LRRN2: variants seen among roughly 807,000 people sequenced by gnomAD.
LRRN2 encodes the protein leucine rich repeat neuronal 2, also known as leucine-rich repeat neuronal protein 2.
Under a neutral mutation model 35.7 loss-of-function variants are expected in LRRN2, and 10 were observed. The ratio of observed to expected loss-of-function variants is 0.28; its 90% confidence interval spans 0.17 to 0.47. LRRN2 has a LOEUF of 0.47. LRRN2 is among the 20% of genes least tolerant of loss of function. The pLI, the probability that LRRN2 is intolerant of heterozygous loss-of-function variation, is 0.99. For missense variants in LRRN2, 731 were observed against 940.3 expected (o/e 0.78, Z 2.91); for synonymous variants, 391 against 409.6 (o/e 0.95, Z 0.55).
chr1:204,655,484 A>G (rs1448882030), intron 1 of LRRN2, among the ~76,000 whole-genome samples: 1 of 151,742 alleles, frequency 6.6e-6, no homozygotes, highest in African/African-American at 2.4e-5. Flanking sequence ...TTTCTTAGAG[A>G]AGGGGTCTTA....
rs746730207 is a variant in LRRN2 at position 204,618,446 on chromosome 1, C to T, written c.1547G>A (p.Arg516His). 2.4e-5 allele frequency: 39 copies of T among 1,614,046 alleles called. No homozygotes were observed. The highest frequency in any genetic ancestry group is 1.6e-4 in the Middle Eastern group (1 of 6,082). ...DTKTVSVVVG[R>H]ALLQPGRDEG... is the part of the protein sequence containing the mutation. ...GTCCCTGCCTGGCTGGAGGAGAGCA[C>T]GGCCCACAACCACACTAACCGTCTT... Residue 516 changes from arginine (R) to histidine (H), a missense_variant, in exon 2 of 2, where the codon CGT becomes CAT. By Grantham distance (29) the Arg-to-His change is conservative. Transcript: ENST00000367177.
intron 1 of LRRN2, among the ~76,000 whole-genome samples, chr1:204,645,891 C>A (rs1268919568): frequency 6.6e-6 from 1 of 152,138 alleles, no homozygotes; most frequent in African/African-American, 2.4e-5. Context: ...CAATTACCAC[C>A]ACTTGGTCCC....
Position 204,638,645 on chromosome 1 carries a change from C to T in LRRN2, c.-226-18427G>A, listed in dbSNP as rs367583059. 2.2e-4 allele frequency among the ~76,000 whole-genome samples: 33 copies of T among 152,104 alleles called. 1 individual carries two copies. In the East Asian group the frequency reaches 5.2e-3, roughly 24 times the overall value. On this transcript the variant is annotated intron_variant, in intron 1 of 1. Coordinates refer to ENST00000367177, the MANE Select transcript of LRRN2 (RefSeq NM_201630.2). ...CAGGCTGGTCTTGAACTCCTGACCT[C>T]GTGATCCACCCACCTCGGCCTCCCA...
rs1166947715 is a variant in LRRN2, at chr1:204,685,504, G to A, written c.-411C>T. 6.6e-6 allele frequency: 1 copy of A among 151,792 alleles called. No individual in the cohort carries two copies. The highest frequency in any genetic ancestry group is 1.5e-5 in the Non-Finnish European group (1 of 67,914). The allele number at this position is 151,792 out of a possible 1,614,324, so 9.4% of individuals were successfully genotyped here. On this transcript the variant is annotated 5_prime_UTR_variant, in exon 1 of 2. Transcript: ENST00000367177. ...GAGTTATCCTGGGAGCGGCTCCAGG[G>A]CCCAGCCGGTGAGGGCGATGGCAGA... is the stretch of plus-strand genomic sequence containing the variant.
At chr1:204,621,258 C>T (rs1448838031) in intron 1 of LRRN2, 12 of 167,448 alleles carry the variant, frequency 7.2e-5, no homozygotes, top group Non-Finnish European at 1.5e-5. Flanking sequence ...CCTGGCTTCT[C>T]TTGTCACCAC....
chr1:204,628,511 G>T (rs74889837), intron 1 of LRRN2: 3,650 of 152,338 alleles, frequency 0.024, 162 homozygotes, highest in African/African-American at 0.082. Flanking sequence ...TCATTAGAGT[G>T]TCCTGCCCTT....
At position 204,617,888 on chromosome 1, in the gene LRRN2, C is replaced by T. The variant is rs1030475520; in HGVS notation, c.2105G>A (p.Gly702Glu). ...AGACAATGGTGGCAACAGTGTCTCC[C>T]CTTCTGAGGATCTGGGCAGCTTCCT... Reference protein sequence around the residue: ...PGRKLPRSSEGETLLPPLSQN... With the variant: ...PGRKLPRSSEEETLLPPLSQN... The change falls in exon 2 of 2, where the codon GGG (glycine) becomes GAG (glutamate). Residue 702 changes from glycine to glutamate, a missense_variant. Physicochemically the swap from Gly to Glu is moderately conservative, Grantham distance 98 (BLOSUM62 -2). This residue lies in a region of LRRN2 where 229 missense variants were observed against 258.4 expected (regional missense o/e 0.89). Transcript: ENST00000367177. 4.3e-6 allele frequency: 7 copies of T among 1,613,990 alleles called. No homozygotes were observed. The African/African-American group carries it at 5.3e-5, about 12-fold the overall frequency.
chr1:204,640,370 T>G (rs1667951585), intron 1 of LRRN2, among the ~76,000 whole-genome samples: 1 of 152,174 alleles, frequency 6.6e-6, no homozygotes, highest in Admixed American at 6.5e-5. Flanking sequence ...GGGTTAAGAT[T>G]CAACACAGAA....
chr1:204,634,446 A>G (rs1334675877), intron 1 of LRRN2, among the ~76,000 whole-genome samples: 2 of 152,260 alleles, frequency 1.3e-5, no homozygotes, highest in East Asian at 3.8e-4. Context: ...CAGTACCTAT[A>G]AACATGACCT....
chr1:204,641,609 A>C (rs910718584), intron 1 of LRRN2, among the ~76,000 whole-genome samples: 2 of 152,192 alleles, frequency 1.3e-5, no homozygotes, highest in Non-Finnish European at 2.9e-5. Flanking sequence ...TATTATATTT[A>C]CTGATGGTGA....
intron 1 of LRRN2, among the ~76,000 whole-genome samples, chr1:204,668,562 T>C (rs540040377): frequency 6.6e-6 from 1 of 152,276 alleles, no homozygotes; most frequent in South Asian, 2.1e-4. Context: ...GCCATTGCAC[T>C]GCAGCCTGGG....
chr1:204,679,013 T>A (rs1299353458), intron 1 of LRRN2, among the ~76,000 whole-genome samples: 1 of 152,126 alleles, frequency 6.6e-6, no homozygotes, highest in Non-Finnish European at 1.5e-5. Flanking sequence ...ACGAAGAGAC[T>A]CCAGCCCCAT....
rs775479609 is a variant in LRRN2, at chr1:204,619,382, A to G, written c.611T>C (p.Ile204Thr). Residue 204 changes from isoleucine (I) to threonine (T), a missense_variant, in exon 2 of 2, where the codon ATC becomes ACC. By Grantham distance (89) the Ile-to-Thr change is moderately conservative. Around this residue, in one of 3 missense-constraint regions of LRRN2, gnomAD observed 246 missense variants for 289.5 expected, o/e 0.85. Coordinates refer to ENST00000367177, the MANE Select transcript of LRRN2 (RefSeq NM_201630.2). ...CAGGGGCCGGAAGTTCATGTCCAGG[A>G]TGGCATCTACCTTGTTGCCGCCAAT... The part of the protein sequence containing the change: ...LMIGGNKVDA[I>T]LDMNFRPLAN... 1 of 1,614,106 alleles carries G rather than the reference A, an allele frequency of 6.2e-7. No homozygotes were observed. Among genetic ancestry groups the G allele is most frequent in the Non-Finnish European group, 8.5e-7 (1 of 1,180,052 alleles).
At chr1:204,621,453 G>A in intron 1 of LRRN2, 1 of 167,354 alleles carries the variant, frequency 6.0e-6, no homozygotes. Context: ...CTAAGGGGCT[G>A]GCTTTATGCT....
intron 1 of LRRN2, among the ~76,000 whole-genome samples, chr1:204,632,709 A>G (rs971614785): frequency 6.6e-6 from 1 of 151,256 alleles, no homozygotes; most frequent in African/African-American, 2.4e-5. Flanking sequence ...AGGCGGGCGG[A>G]TCACAAGGTC....
At chr1:204,678,050 C>T (rs1435420995) in intron 1 of LRRN2, among the ~76,000 whole-genome samples, 3 of 152,176 alleles carry the variant, frequency 2.0e-5, no homozygotes, top group Non-Finnish European at 2.9e-5. Context: ...GAATCTACTC[C>T]ATTTTCCAAG....
intron 1 of LRRN2, among the ~76,000 whole-genome samples, chr1:204,645,376 T>G (rs1283901682): frequency 6.6e-6 from 1 of 152,204 alleles, no homozygotes; most frequent in Non-Finnish European, 1.5e-5. Context: ...GTGTGTGTGT[T>G]GGCATCTCTC....
In LRRN2 at chr1:204,681,098, A is replaced by G. The variant is rs182992763; in HGVS notation, c.-227+4222T>C. Among the ~76,000 whole-genome samples, 493 of 152,186 alleles carry G rather than the reference A, an allele frequency of 3.2e-3. 4 individuals carry two copies. Among genetic ancestry groups the G allele is most frequent in the African/African-American group, 0.012 (482 of 41,522 alleles). ...CAGCCTCCCAAGTAGCTGGGATTAC[A>G]GGTGTGTGCCACCACGCCCGGCTAA... is the stretch of plus-strand genomic sequence containing the variant. On this transcript the variant is annotated intron_variant, in intron 1 of 1. Transcript: ENST00000367177.
At chr1:204,661,815 G>A (rs546398343) in intron 1 of LRRN2, among the ~76,000 whole-genome samples, 2 of 152,306 alleles carry the variant, frequency 1.3e-5, no homozygotes, top group South Asian at 2.1e-4. Flanking sequence ...ACGAGGGGCT[G>A]CTCTCTGGGC....
Sources: gnomAD v4.1 joint callset for allele counts (sites outside exome capture counted in the v4.1 genomes callset) on GRCh38, gnomAD v4.1.1 for gene constraint, gnomAD v4.1.1 regional missense constraint, MANE v1.5 for transcripts, NCBI Gene and HGNC (gene_info 2026-07-23, HGNC 2026-07-21) for gene names.